NRXN1: variants seen among roughly 807,000 people sequenced by gnomAD.
NRXN1 encodes the protein neurexin 1.
Under a neutral mutation model 150.9 loss-of-function variants are expected in NRXN1, and 39 were observed. The observed-to-expected ratio is 0.26, with a 90% CI of 0.20 to 0.34. The LOEUF (loss-of-function observed/expected upper bound fraction) is 0.34. Ranked by LOEUF, NRXN1 falls within the 10% of genes least tolerant of loss-of-function variation. NRXN1 has a pLI of 1.00. For synonymous variants in NRXN1, 924 were observed against 757.0 expected, an observed-to-expected ratio of 1.22 and a Z score of -3.62; for missense variants, 1,815 against 1,949.9, an observed-to-expected ratio of 0.93 and a Z score of 1.30.
intron 17 of NRXN1, among the ~76,000 whole-genome samples, chr2:50,303,865 C>G (rs2074380153): frequency 6.6e-6 from 1 of 151,944 alleles, no homozygotes; most frequent in African/African-American, 2.4e-5. Flanking sequence ...AATTTTTGAC[C>G]TCCTCTGTGT....
rs760523487 is a variant in NRXN1 at position 51,028,032 on chromosome 2, A to T, written c.242T>A (p.Leu81Gln). The T allele has an allele frequency of 6.3e-7, 1 of 1,599,128 alleles. No individual in the cohort carries two copies. Among genetic ancestry groups the T allele is most frequent in the South Asian group, 1.1e-5 (1 of 90,878 alleles). The change falls in exon 2 of 23, where the codon CTG (leucine) becomes CAG (glutamine). Residue 81 changes from leucine (L) to glutamine (Q), a missense_variant. Physicochemically the swap from Leu to Gln is moderately radical, Grantham distance 113. Around this residue, in one of 6 missense-constraint regions of NRXN1, gnomAD observed 554 missense variants for 478.8 expected, o/e 1.16. Transcript: ENST00000401669. Reference protein sequence around the residue: ...DDEGFCDFLELILTRGGRLQL... With the variant: ...DDEGFCDFLEQILTRGGRLQL... ...CAGGCGGCCGCCGCGCGTCAGAATC[A>T]GCTCCAGGAAGTCGCAGAAGCCCTC...
At position 49,920,038 on chromosome 2, in the gene NRXN1, A is replaced by C. The variant is rs997471316; in HGVS notation, c.*1906T>G. On this transcript the variant is annotated 3_prime_UTR_variant, in exon 23 of 23. Coordinates refer to ENST00000401669, the MANE Select transcript of NRXN1 (RefSeq NM_001330078.2). The stretch of plus-strand genomic sequence containing the variant: ...AAGTAATGCAACCAATTTTTCCTGA[A>C]ACATCAACTTGCAATGTAATAATGC... 1 of 152,164 alleles carries C rather than the reference A, an allele frequency of 6.6e-6. No homozygotes were observed. Among genetic ancestry groups the C allele is most frequent in the Non-Finnish European group, 1.5e-5 (1 of 67,998 alleles). 9.4% of individuals were successfully genotyped at this position (152,164 alleles called of 1,614,324 possible). A position where few individuals can be genotyped will look rare whatever the true frequency, so the allele number is the denominator to read the frequency against.
intron 15 of NRXN1, among the ~76,000 whole-genome samples, chr2:50,484,894 T>C (rs188470111): frequency 1.7e-3 from 259 of 152,358 alleles, no homozygotes; most frequent in African/African-American, 6.0e-3. Flanking sequence ...AAGTGTTTTA[T>C]TTTATGATAT....
At chr2:50,146,126 G>T (rs1162207010) in intron 18 of NRXN1, among the ~76,000 whole-genome samples, 1 of 151,604 alleles carries the variant, frequency 6.6e-6, no homozygotes, top group African/African-American at 2.4e-5. Flanking sequence ...AGGAGAGAAG[G>T]CGGGTTAAAC....
chr2:50,529,370 C>T (rs2093039310), intron 11 of NRXN1, among the ~76,000 whole-genome samples: 1 of 152,010 alleles, frequency 6.6e-6, no homozygotes, highest in South Asian at 2.1e-4. Context: ...TAATAAGTGT[C>T]GTGGTTCCCT....
At chr2:50,078,423 C>A (rs2152680300) in intron 19 of NRXN1, among the ~76,000 whole-genome samples, 1 of 151,704 alleles carries the variant, frequency 6.6e-6, no homozygotes, top group African/African-American at 2.4e-5. Context: ...TTTCATTCAG[C>A]TTTCCTCCTG....
intron 18 of NRXN1, among the ~76,000 whole-genome samples, chr2:50,100,038 T>C (rs976224462): frequency 6.6e-5 from 10 of 152,144 alleles, no homozygotes; most frequent in African/African-American, 2.2e-4. Flanking sequence ...TTGAAACACA[T>C]TGAAGGTGCC....
At chr2:49,922,336 A>T in intron 22 of NRXN1, 85 bp from the exon 23 acceptor site, 1 of 1,298,184 alleles carries the variant, frequency 7.7e-7, no homozygotes, top group African/African-American at 1.5e-5. Flanking sequence ...TTATTATCTA[A>T]TTCTAACAGC....
At position 50,828,803 on chromosome 2, in the gene NRXN1, C is replaced by T. The variant is rs1421224279; in HGVS notation, c.832+93066G>A. Among the ~76,000 whole-genome samples the T allele has an allele frequency of 5.3e-5, 8 of 151,934 alleles. No homozygotes were observed. In the East Asian group the frequency reaches 9.8e-4, roughly 19 times the overall value. Reference sequence around the variant, plus strand: ...CAGACGATAGGCGGCCAGGCAGAGACGCTCCTCACTTCCCAGACGGGGTGG... The same window carrying T: ...CAGACGATAGGCGGCCAGGCAGAGATGCTCCTCACTTCCCAGACGGGGTGG... On this transcript the variant is annotated intron_variant, in intron 5 of 22. Coordinates refer to ENST00000401669, the MANE Select transcript of NRXN1 (RefSeq NM_001330078.2).
intron 21 of NRXN1, among the ~76,000 whole-genome samples, chr2:50,040,826 A>G (rs1186198646): frequency 6.6e-6 from 1 of 152,156 alleles, no homozygotes; most frequent in Non-Finnish European, 1.5e-5. Flanking sequence ...GTTATCATCC[A>G]TTTAAATATA....
chr2:50,642,135 T>C (rs192444053), intron 5 of NRXN1, among the ~76,000 whole-genome samples: 1 of 152,158 alleles, frequency 6.6e-6, no homozygotes, highest in Admixed American at 6.6e-5. Context: ...CCCTGAAAAA[T>C]TAATCAATTC....
chr2:50,633,850 T>G (rs1339284089), intron 5 of NRXN1, among the ~76,000 whole-genome samples: 1 of 152,142 alleles, frequency 6.6e-6, no homozygotes, highest in Non-Finnish European at 1.5e-5. Context: ...GTGAGTTATA[T>G]GTGAAACTGA....
intron 5 of NRXN1, among the ~76,000 whole-genome samples, chr2:50,719,952 G>A (rs1247694031): frequency 6.6e-6 from 1 of 152,132 alleles, no homozygotes; most frequent in Non-Finnish European, 1.5e-5. Context: ...AGCTGAGAGA[G>A]CCATCAACTA....
At chr2:50,565,878 G>A (rs1669769361) in intron 8 of NRXN1, among the ~76,000 whole-genome samples, 1 of 152,102 alleles carries the variant, frequency 6.6e-6, no homozygotes, top group African/African-American at 2.4e-5. Flanking sequence ...GTCTGGAAGG[G>A]CAATGTCCCG....
intron 8 of NRXN1, among the ~76,000 whole-genome samples, chr2:50,569,079 G>C (rs1670276978): frequency 6.6e-6 from 1 of 152,046 alleles, no homozygotes; most frequent in Admixed American, 6.6e-5. Flanking sequence ...CCTATTTCTG[G>C]GAGCTAAAAG....
chr2:49,986,873 G>A (rs1364961778), intron 21 of NRXN1, among the ~76,000 whole-genome samples: 1 of 151,908 alleles, frequency 6.6e-6, no homozygotes, highest in Non-Finnish European at 1.5e-5. Flanking sequence ...AGACCAGCCT[G>A]GGCAACATGG....
chr2:50,241,462 C>T (rs956839431), intron 17 of NRXN1, among the ~76,000 whole-genome samples: 1 of 151,734 alleles, frequency 6.6e-6, no homozygotes, highest in Non-Finnish European at 1.5e-5. Context: ...AGTACCATGA[C>T]TACTAATGGA....
At position 51,027,824 on chromosome 2, in the gene NRXN1, G is replaced by A. The variant is rs766193025; in HGVS notation, c.450C>T (p.Phe150=). 15 of 1,613,304 alleles carry A rather than the reference G, an allele frequency of 9.3e-6. No individual in the cohort carries two copies. The Admixed American group carries it at 2.2e-4, about 23-fold the overall frequency. Residue 150 remains phenylalanine (F), a synonymous_variant, in exon 2 of 23, where the codon TTC becomes TTT. Coordinates refer to ENST00000401669, the MANE Select transcript of NRXN1 (RefSeq NM_001330078.2). ...GCAGCCCCCCGACGAAAAGGCCGCTGAACACCGTCATGTCCCTGCGCTTGG... is the reference window on the plus strand; with the variant it reads ...GCAGCCCCCCGACGAAAAGGCCGCTAAACACCGTCATGTCCCTGCGCTTGG... ...VKSKRRDMTV[F]SGLFVGGLPP...
chr2:50,325,142 G>T lies in NRXN1; in HGVS notation c.3365-88172C>A, dbSNP rs538285794. Among the ~76,000 whole-genome samples, 230 of 152,320 alleles carry T rather than the reference G, an allele frequency of 1.5e-3. 1 individual carries two copies. Among genetic ancestry groups the T allele is most frequent in the African/African-American group, 5.4e-3 (226 of 41,574 alleles). On this transcript the variant is annotated intron_variant, in intron 17 of 22. Transcript: ENST00000401669. ...ACCCTGACATCAAGAACAGGAAGAAGAAACTGAGAAAGAAGAAGAGGATGG... is the reference window on the plus strand; with the variant it reads ...ACCCTGACATCAAGAACAGGAAGAATAAACTGAGAAAGAAGAAGAGGATGG...
Sources: gnomAD v4.1 joint callset for allele counts (sites outside exome capture counted in the v4.1 genomes callset) on GRCh38, gnomAD v4.1.1 for gene constraint, gnomAD v4.1.1 regional missense constraint, MANE v1.5 for transcripts, NCBI Gene and HGNC (gene_info 2026-07-23, HGNC 2026-07-21) for gene names.